PCDH9: variants seen among roughly 807,000 people sequenced by gnomAD.
The protein encoded by PCDH9 is protocadherin-9.
PCDH9 carries 24 observed loss-of-function variants against 70.6 expected under a neutral mutation model. That is an observed-to-expected ratio of 0.34 (90% CI 0.25 to 0.48). PCDH9 has a LOEUF of 0.48. Ranked by LOEUF, PCDH9 falls within the 20% of genes least tolerant of loss-of-function variation. The pLI is 0.99. For missense variants in PCDH9, 1,281 were observed against 1,503.6 expected (o/e 0.85, Z 2.45); for synonymous variants, 562 against 558.5 (o/e 1.01, Z -0.09).
chr13:67,100,247 G>C (rs147997027), intron 2 of PCDH9, among the ~76,000 whole-genome samples: 7 of 152,152 alleles, frequency 4.6e-5, no homozygotes, highest in Admixed American at 4.6e-4. Flanking sequence ...TATTGGTTAA[G>C]AAATAATAGT....
chr13:66,911,229 G>T (rs982009209), intron 2 of PCDH9, among the ~76,000 whole-genome samples: 9 of 152,248 alleles, frequency 5.9e-5, no homozygotes, highest in Non-Finnish European at 8.8e-5. Context: ...CATTAAATGT[G>T]CCAAAGACTG....
At chr13:67,157,496 T>G (rs980107984) in intron 2 of PCDH9, among the ~76,000 whole-genome samples, 7 of 152,242 alleles carry the variant, frequency 4.6e-5, no homozygotes, top group Non-Finnish European at 7.3e-5. Flanking sequence ...CATTTCATTT[T>G]CTAAAATTCT....
chr13:67,089,881 G>A (rs1045358697), intron 2 of PCDH9, among the ~76,000 whole-genome samples: 17 of 152,022 alleles, frequency 1.1e-4, no homozygotes, highest in African/African-American at 3.9e-4. Context: ...TGGAGTCAGC[G>A]TTTCCTGTAC....
chr13:66,742,776 A>C (rs2139204965), intron 3 of PCDH9, among the ~76,000 whole-genome samples: 1 of 149,158 alleles, frequency 6.7e-6, no homozygotes, highest in East Asian at 2.0e-4. Flanking sequence ...GAGAAATGCA[A>C]ATCAAAACCA....
intron 4 of PCDH9, among the ~76,000 whole-genome samples, chr13:66,362,121 C>T (rs1956481211): frequency 6.6e-6 from 1 of 152,142 alleles, no homozygotes; most frequent in Admixed American, 6.6e-5. Flanking sequence ...TTAGAATACA[C>T]TTTAAATGCA....
At chr13:67,205,640 C>T (rs1024805304) in intron 2 of PCDH9, 1 of 152,062 alleles carries the variant, frequency 6.6e-6, no homozygotes, top group Admixed American at 6.5e-5. Context: ...TTCCATCATC[C>T]ATATGCACTA....
chr13:66,633,584 C>T (rs1452596280), intron 3 of PCDH9, among the ~76,000 whole-genome samples: 3 of 152,092 alleles, frequency 2.0e-5, no homozygotes, highest in Non-Finnish European at 4.4e-5. Context: ...TTTACAGTGA[C>T]TGATCTACTG....
intron 2 of PCDH9, among the ~76,000 whole-genome samples, chr13:66,950,494 A>ATT (rs755888144): frequency 3.4e-5 from 5 of 147,050 alleles, no homozygotes; most frequent in Non-Finnish European, 7.5e-5. Context: ...TATGTGTATG[A>ATT]TTTTTTTTTT....
chr13:67,041,134 T>G (rs2085105823), intron 2 of PCDH9, among the ~76,000 whole-genome samples: 1 of 152,288 alleles, frequency 6.6e-6, no homozygotes, highest in East Asian at 1.9e-4. Context: ...TTTCTTACTA[T>G]TTTTCCAAAG....
At chr13:67,057,112 A>G (rs2085436466) in intron 2 of PCDH9, among the ~76,000 whole-genome samples, 2 of 152,098 alleles carry the variant, frequency 1.3e-5, no homozygotes, top group Non-Finnish European at 2.9e-5. Context: ...TTGAAAACCA[A>G]CTGTGCTCAA....
intron 2 of PCDH9, among the ~76,000 whole-genome samples, chr13:67,002,532 G>T (rs1416812193): frequency 6.6e-6 from 1 of 151,248 alleles, no homozygotes; most frequent in East Asian, 1.9e-4. Flanking sequence ...AAGAGTCTAA[G>T]AATTAAATAT....
chr13:66,666,300 G>A (rs114734358), intron 3 of PCDH9, among the ~76,000 whole-genome samples: 3,078 of 152,300 alleles, frequency 0.02, 121 homozygotes, highest in African/African-American at 0.071. Flanking sequence ...TGCACAGGCA[G>A]CAAGGGAAGT....
intron 4 of PCDH9, among the ~76,000 whole-genome samples, chr13:66,515,690 A>C (rs1959698112): frequency 6.6e-6 from 1 of 152,014 alleles, no homozygotes; most frequent in South Asian, 2.1e-4. Context: ...TAATTATAAA[A>C]GGAAAAACAG....
chr13:66,466,403 G>C (rs995882014), intron 4 of PCDH9, among the ~76,000 whole-genome samples: 6 of 152,060 alleles, frequency 3.9e-5, no homozygotes, highest in Non-Finnish European at 8.8e-5. Context: ...TATGATGCCA[G>C]TATTCCCTCA....
chr13:66,403,871 G>C (rs531530543), intron 4 of PCDH9, among the ~76,000 whole-genome samples: 39 of 152,118 alleles, frequency 2.6e-4, no homozygotes, highest in African/African-American at 8.9e-4. Context: ...GAGAACTAAC[G>C]GACTACAGTA....
chr13:66,912,536 T>C lies in PCDH9; in HGVS notation c.3037-8931A>G, dbSNP rs531057646. Reference sequence around the variant, plus strand: ...GTGGACACACACACACACACACACATACACACCATGCTTATGAATACATGT... The same window carrying C: ...GTGGACACACACACACACACACACACACACACCATGCTTATGAATACATGT... On this transcript the variant is annotated intron_variant, in intron 2 of 4. Coordinates refer to ENST00000377865, the MANE Select transcript of PCDH9 (RefSeq NM_203487.3). Among the ~76,000 whole-genome samples the C allele has an allele frequency of 7.2e-4, 97 of 135,360 alleles. 1 individual carries two copies. The highest frequency in any genetic ancestry group is 1.6e-3 in the South Asian group (7 of 4,254). The allele number at this position is 135,360 out of a possible 152,430, so 88.8% of individuals were successfully genotyped here.
chr13:66,674,194 T>C (rs980459056), intron 3 of PCDH9, among the ~76,000 whole-genome samples: 8 of 152,088 alleles, frequency 5.3e-5, no homozygotes, highest in Non-Finnish European at 8.8e-5. Context: ...TAAAAATCAA[T>C]GGAGTTAATT....
At chr13:66,682,534 G>A (rs987124660) in intron 3 of PCDH9, among the ~76,000 whole-genome samples, 1 of 151,934 alleles carries the variant, frequency 6.6e-6, no homozygotes, top group Non-Finnish European at 1.5e-5. Context: ...TTTCGGAGTT[G>A]AGTCCACCCA....
chr13:67,158,973 G>A (rs1278558362), intron 2 of PCDH9, among the ~76,000 whole-genome samples: 1 of 152,154 alleles, frequency 6.6e-6, no homozygotes, highest in Non-Finnish European at 1.5e-5. Context: ...AACTCCAAAT[G>A]AGGTAGGGTA....
Sources: allele counts gnomAD v4.1 joint callset (sites outside exome capture counted in the v4.1 genomes callset), GRCh38; gene constraint gnomAD v4.1.1; transcripts MANE v1.5; gene names NCBI Gene and HGNC (gene_info 2026-07-23, HGNC 2026-07-21).